The following CCDC50 variants were observed in gnomAD, a reference collection of about 807,000 sequenced individuals.
CCDC50 encodes coiled-coil domain-containing protein 50.
Under a neutral mutation model 70.2 loss-of-function variants are expected in CCDC50, and 54 were observed. The ratio of observed to expected loss-of-function variants is 0.77; its 90% CI spans 0.62 to 0.96. The LOEUF (loss-of-function observed/expected upper bound fraction) is 0.96. Ranked by LOEUF, CCDC50 falls within the 50% of genes least tolerant of loss-of-function variation. CCDC50 has a pLI of 0.00. For synonymous variants in CCDC50, 216 were observed against 198.8 expected (o/e 1.09, Z -0.73); for missense variants, 558 against 578.7 (o/e 0.96, Z 0.37).
At chr3:191,366,160 T>C (rs1712681722) in intron 4 of CCDC50, among the ~76,000 whole-genome samples, 2 of 152,156 alleles carry the variant, frequency 1.3e-5, no homozygotes, top group South Asian at 4.1e-4. Flanking sequence ...ATTATGCTAA[T>C]TGTTTTACTA....
intron 1 of CCDC50, among the ~76,000 whole-genome samples, chr3:191,339,775 C>T (rs1421058891): frequency 6.6e-6 from 1 of 152,192 alleles, no homozygotes; most frequent in Non-Finnish European, 1.5e-5. Flanking sequence ...TCTCCATTTA[C>T]TCTGATACTG....
intron 1 of CCDC50, among the ~76,000 whole-genome samples, chr3:191,336,237 CTG>C (rs1195236503): frequency 6.6e-6 from 1 of 151,406 alleles, no homozygotes; most frequent in African/African-American, 2.4e-5. Context: ...AATTGTCAAA[CTG>C]TTTTTCAAAA....
intron 9 of CCDC50, among the ~76,000 whole-genome samples, chr3:191,381,861 C>T (rs1259154202): frequency 2.0e-5 from 3 of 152,026 alleles, no homozygotes; most frequent in Non-Finnish European, 4.4e-5. Context: ...ACCTCACAGT[C>T]TCAGTAATGG....
chr3:191,336,786 A>G (rs73201631), intron 1 of CCDC50, among the ~76,000 whole-genome samples: 13,786 of 152,210 alleles, frequency 0.091, 681 homozygotes, highest in East Asian at 0.24. Context: ...GGCCACCCCA[A>G]TACAAGGATC....
At chr3:191,356,108 G>A (rs9985271) in intron 1 of CCDC50, among the ~76,000 whole-genome samples, 27,747 of 152,078 alleles carry the variant, frequency 0.18, 4,255 homozygotes, top group African/African-American at 0.42. Flanking sequence ...AGTAATCTGA[G>A]GCTTTGGGGA....
At position 191,329,543 on chromosome 3, in the gene CCDC50, T is replaced by C. The variant is rs759694778; in HGVS notation, c.-132T>C. The C allele has an allele frequency of 1.2e-6, 1 of 837,110 alleles. No individual in the cohort carries two copies. Among genetic ancestry groups the C allele is most frequent in the Non-Finnish European group, 1.8e-6 (1 of 563,896 alleles). The allele number at this position is 837,110 out of a possible 1,614,324, so 51.9% of individuals were successfully genotyped here. On this transcript the variant is annotated 5_prime_UTR_variant, in exon 1 of 12. Coordinates refer to ENST00000392455, the MANE Select transcript of CCDC50 (RefSeq NM_178335.3). The stretch of plus-strand genomic sequence containing the variant: ...CCCCTGCCCGCCCGACCCGCTCCGT[T>C]CTCCGGCCTGCGAGCCCTGCCGGCC...
chr3:191,329,454 G>A lies in CCDC50; in HGVS notation c.-221G>A, dbSNP rs527667803. On this transcript the variant is annotated 5_prime_UTR_variant, in exon 1 of 12. Coordinates refer to ENST00000392455, the MANE Select transcript of CCDC50 (RefSeq NM_178335.3). ...CCGGGGACGCGGAGCAGGTGGCCGC[G>A]GCGGGGCAGCTGGGCCGCCAGCTTG... The A allele has an allele frequency of 2.5e-4, 115 of 465,406 alleles. No homozygotes were observed. The highest frequency in any genetic ancestry group is 2.2e-3 in the African/African-American group (104 of 48,142). The allele number at this position is 465,406 out of a possible 1,614,324, so 28.8% of individuals were successfully genotyped here. A position where few individuals can be genotyped will look rare whatever the true frequency, so the allele number is the denominator to read the frequency against.
chr3:191,356,418 G>T (rs940755492), intron 1 of CCDC50, among the ~76,000 whole-genome samples: 13 of 152,126 alleles, frequency 8.5e-5, no homozygotes, highest in African/African-American at 2.9e-4. Flanking sequence ...TTTCCTTCAG[G>T]GTTCCCATTT....
chr3:191,358,377 G>A (rs962932800), intron 3 of CCDC50, among the ~76,000 whole-genome samples: 10 of 152,148 alleles, frequency 6.6e-5, no homozygotes, highest in African/African-American at 1.7e-4. Context: ...ATGACCTTGG[G>A]CCAGTTAGTC....
chr3:191,357,003 A>T (rs567330822), intron 1 of CCDC50, 85 bp from the exon 2 acceptor site: 20 of 846,696 alleles, frequency 2.4e-5, no homozygotes, highest in Middle Eastern at 2.2e-4. Flanking sequence ...GATTTTTTTT[A>T]AAGTAAAAAA....
At chr3:191,367,675 G>C (rs1432731322) in intron 4 of CCDC50, among the ~76,000 whole-genome samples, 1 of 151,864 alleles carries the variant, frequency 6.6e-6, no homozygotes, top group Non-Finnish European at 1.5e-5. Flanking sequence ...GGTCTGTGGA[G>C]CATAGTTTAT....
chr3:191,379,082 CAA>C (rs1446789093), intron 6 of CCDC50, among the ~76,000 whole-genome samples: 6 of 151,932 alleles, frequency 3.9e-5, no homozygotes, highest in African/African-American at 1.5e-4. Context: ...GGGATTTTGA[CAA>C]AAATCATTTT....
rs564489073 is a variant in CCDC50 at position 191,347,457 on chromosome 3, G to C, written c.50-9631G>C. ...GCTTTAAATGCCACATAAATCCTAA[G>C]CACCCCGTTGCATTGTTTAGCTGAA... is the stretch of plus-strand genomic sequence containing the variant. On this transcript the variant is annotated intron_variant, in intron 1 of 11. Transcript: ENST00000392455. Among the ~76,000 whole-genome samples, 38 of 141,750 alleles carry C rather than the reference G, an allele frequency of 2.7e-4. 3 individuals carry two copies. In the South Asian group the frequency reaches 8.0e-3, roughly 30 times the overall value. 93.0% of individuals were successfully genotyped at this position (141,750 alleles called of 152,430 possible).
At chr3:191,364,117 G>A (rs1712592719) in intron 4 of CCDC50, among the ~76,000 whole-genome samples, 1 of 150,882 alleles carries the variant, frequency 6.6e-6, no homozygotes, top group Admixed American at 6.6e-5. Context: ...TCTCCAGGCT[G>A]GAGTATAGTG....
In CCDC50 at chr3:191,349,356, C is replaced by T. The variant is rs1219647490; in HGVS notation, c.50-7732C>T. Reference sequence around the variant, plus strand: ...GTTTTACAAAATACGTTTATTATTTCAAAGTGTCATTAATATATCTTAGAC... The same window carrying T: ...GTTTTACAAAATACGTTTATTATTTTAAAGTGTCATTAATATATCTTAGAC... On this transcript the variant is annotated intron_variant, in intron 1 of 11. Coordinates refer to ENST00000392455, the MANE Select transcript of CCDC50 (RefSeq NM_178335.3). 7.0e-5 allele frequency among the ~76,000 whole-genome samples: 10 copies of T among 142,092 alleles called. 3 individuals carry two copies. In the Admixed American group the frequency reaches 7.2e-4, roughly 10 times the overall value. The allele number at this position is 142,092 out of a possible 152,430, so 93.2% of individuals were successfully genotyped here. A position where few individuals can be genotyped will look rare whatever the true frequency, so the allele number is the denominator to read the frequency against.
At chr3:191,376,069 G>A (rs1192721177) in intron 6 of CCDC50, among the ~76,000 whole-genome samples, 3 of 152,250 alleles carry the variant, frequency 2.0e-5, no homozygotes, top group African/African-American at 7.2e-5. Context: ...GAGTTGGATA[G>A]GCAGTCTTTT....
rs780110008 is a variant in CCDC50, at chr3:191,375,227, C to T, written c.614C>T (p.Ser205Leu). 2 of 1,613,794 alleles carry T rather than the reference C, an allele frequency of 1.2e-6. No individual in the cohort carries two copies. Among genetic ancestry groups the T allele is most frequent in the Non-Finnish European group, 1.7e-6 (2 of 1,179,830 alleles). Residue 205 changes from serine to leucine, a missense_variant, in exon 6 of 12, where the codon TCA becomes TTA. Transcript: ENST00000392455. The part of the protein sequence containing the change: ...EQHCSSKRSL[S>L]SSSSGKGRDN... ...CATTGTTCATCGAAGAGATCCCTGT[C>T]ATCCTCTAGCTCGGGCAAAGGGAGG... is the stretch of plus-strand genomic sequence containing the variant.
chr3:191,338,292 T>G (rs752063447), intron 1 of CCDC50, among the ~76,000 whole-genome samples: 1 of 152,222 alleles, frequency 6.6e-6, no homozygotes. Context: ...GTTTTTCTTT[T>G]ATATTATGAA....
chr3:191,350,980 A>G (rs945119973), intron 1 of CCDC50, among the ~76,000 whole-genome samples: 2 of 139,666 alleles, frequency 1.4e-5, no homozygotes, highest in African/African-American at 5.1e-5. Flanking sequence ...GCTGCCCTTT[A>G]GGGGTATGTG....
Sources: allele counts gnomAD v4.1 joint callset (sites outside exome capture counted in the v4.1 genomes callset), GRCh38; gene constraint gnomAD v4.1.1; transcripts MANE v1.5; gene names NCBI Gene and HGNC (gene_info 2026-07-23, HGNC 2026-07-21).